The following GREB1 variants were observed in gnomAD, a reference collection of about 807,000 sequenced individuals.
GREB1 encodes growth regulating estrogen receptor binding 1, also known as protein GREB1.
Under a neutral mutation model 200.7 loss-of-function variants are expected in GREB1, and 106 were observed. That is an observed-to-expected ratio of 0.53 (90% CI 0.45 to 0.62). GREB1 has a LOEUF of 0.62. Among genes scored for constraint, GREB1 ranks in the 20% least tolerant of loss-of-function variants. The pLI is 0.00. For missense variants in GREB1, 2,243 were observed against 2,556.8 expected (o/e 0.88, Z 2.65); for synonymous variants, 1,132 against 1,092.4 (o/e 1.04, Z -0.72).
At chr2:11,595,199 C>T in intron 11 of GREB1, 52 bp from the exon 12 acceptor site, 2 of 1,543,744 alleles carry the variant, frequency 1.3e-6, no homozygotes, top group Non-Finnish European at 1.8e-6. Context: ...GGCTACACAG[C>T]CCGTAAGCAG....
At position 11,597,067 on chromosome 2, in the gene GREB1, AC is replaced by A. The variant is rs1490626985; in HGVS notation, c.1955-713del. Among the ~76,000 whole-genome samples, 7 of 151,504 alleles carry A rather than the reference AC, an allele frequency of 4.6e-5. No homozygotes were observed. The highest frequency in any genetic ancestry group is 8.8e-5 in the Non-Finnish European group (6 of 67,844). On this transcript the variant is annotated intron_variant, in intron 13 of 32. Coordinates refer to ENST00000381486, the MANE Select transcript of GREB1 (RefSeq NM_014668.4). This position sits in a 1 kb window ranked among gnomAD's most constrained non-coding sequence, Gnocchi z 4.1. ...TGCACCGTGAGAGAGGGCAGTGGGC[AC>A]AGGTGTGCTAAGTGGGTGCTGAGGG...
Position 11,557,426 on chromosome 2 carries a change from G to A in GREB1, c.157+655G>A, listed in dbSNP as rs571756163. ...TGATGTCTTTGACTTGAAGTTACCCGCAGACTTCTCTTAGTTATTGAAGTG... is the reference window on the plus strand; with the variant it reads ...TGATGTCTTTGACTTGAAGTTACCCACAGACTTCTCTTAGTTATTGAAGTG... On this transcript the variant is annotated intron_variant, in intron 2 of 32. Transcript: ENST00000381486. Among the ~76,000 whole-genome samples the A allele has an allele frequency of 2.1e-3, 316 of 152,254 alleles. 1 individual carries two copies. Among genetic ancestry groups the A allele is most frequent in the Non-Finnish European group, 3.1e-3 (213 of 68,030 alleles).
chr2:11,612,590 G>A lies in GREB1; in HGVS notation c.3102G>A (p.Pro1034=), dbSNP rs370781434. The change falls in exon 19 of 33, where the codon CCG becomes CCA. Residue 1034 remains proline, a synonymous_variant. Coordinates refer to ENST00000381486, the MANE Select transcript of GREB1 (RefSeq NM_014668.4). ...TCCTGATCTTCAGTGGGATGGACCC[G>A]CATGGGGAGTCCTTGCCGAGGTGAG... ...PCILIFSGMD[P]HGESLPRSLR... 2.6e-5 allele frequency: 42 copies of A among 1,610,376 alleles called. No individual in the cohort carries two copies. The highest frequency in any genetic ancestry group is 2.1e-4 in the Middle Eastern group (1 of 4,810).
chr2:11,633,963 C>T lies in GREB1; in HGVS notation c.4992-168C>T, dbSNP rs1685098923. On this transcript the variant is annotated intron_variant, in intron 28 of 32. Coordinates refer to ENST00000381486, the MANE Select transcript of GREB1 (RefSeq NM_014668.4). This position sits in a 1 kb window ranked among gnomAD's most constrained non-coding sequence, Gnocchi z 4.1. ...TTCAGCACATAGCAGAAATGAGCGC[C>T]CGTGGGAAGCGCCCAGCAGGGTGCC... 6.6e-6 allele frequency among the ~76,000 whole-genome samples: 1 copy of T among 152,218 alleles called. No homozygotes were observed. Among genetic ancestry groups the T allele is most frequent in the South Asian group, 2.1e-4 (1 of 4,838 alleles).
chr2:11,605,047 T>C (rs1389234108), intron 17 of GREB1, among the ~76,000 whole-genome samples: 1 of 150,614 alleles, frequency 6.6e-6, no homozygotes, highest in Non-Finnish European at 1.5e-5. Context: ...CCACAGAGGC[T>C]TAAGGGTGGG....
At chr2:11,511,563 A>T (rs1228411618) in intron 1 of GREB1, among the ~76,000 whole-genome samples, 1 of 152,122 alleles carries the variant, frequency 6.6e-6, no homozygotes, top group Non-Finnish European at 1.5e-5. Flanking sequence ...GAGAACTTGG[A>T]TGTCTCCAGA....
At chr2:11,496,514 C>T (rs887925334) in intron 1 of GREB1, among the ~76,000 whole-genome samples, 2 of 139,918 alleles carry the variant, frequency 1.4e-5, no homozygotes, top group African/African-American at 2.6e-5. Context: ...TTCCCCACCC[C>T]GCCCGCCCCC....
rs935327153 is a variant in GREB1 at position 11,642,147 on chromosome 2, C to G, written c.*1693C>G. The G allele has an allele frequency of 6.6e-5, 10 of 151,806 alleles. No individual in the cohort carries two copies. Among genetic ancestry groups the G allele is most frequent in the Admixed American group, 5.9e-4 (9 of 15,244 alleles). The allele number at this position is 151,806 out of a possible 1,614,324, so 9.4% of individuals were successfully genotyped here. A position where few individuals can be genotyped will look rare whatever the true frequency, so the allele number is the denominator to read the frequency against. On this transcript the variant is annotated 3_prime_UTR_variant, in exon 33 of 33. Transcript: ENST00000381486. ...TTTTTTTTTCGGAGACGGAGTTTCA[C>G]TCTTGCTGCCCAGGCTGGAGTGCAA...
At chr2:11,627,131 C>A in intron 25 of GREB1, 27 bp downstream of exon 25, 1 of 1,549,052 alleles carries the variant, frequency 6.5e-7, no homozygotes, top group South Asian at 1.2e-5. Flanking sequence ...CCCCACCAGG[C>A]ATTTCACCTT....
chr2:11,530,253 G>C (rs1358131126), upstream of GREB1, among the ~76,000 whole-genome samples: 7 of 151,830 alleles, frequency 4.6e-5, no homozygotes, highest in Non-Finnish European at 8.8e-5. Flanking sequence ...GTAGAGATGG[G>C]GTTTCACCAG....
rs375327075 is a variant in GREB1, at chr2:11,591,362, C to T, written c.1346-1414C>T. The stretch of plus-strand genomic sequence containing the variant: ...TGGGTAGAGCTGGGCTGGAACCCAC[C>T]TTCTAAATGGAAGCCTGACGCACTT... On this transcript the variant is annotated intron_variant, in intron 10 of 32. Coordinates refer to ENST00000381486, the MANE Select transcript of GREB1 (RefSeq NM_014668.4). 3 of 731,578 alleles carry T rather than the reference C, an allele frequency of 4.1e-6. No individual in the cohort carries two copies. In the African/African-American group the frequency reaches 5.1e-5, roughly 13 times the overall value. 45.3% of individuals were successfully genotyped at this position (731,578 alleles called of 1,614,324 possible). A position where few individuals can be genotyped will look rare whatever the true frequency, so the allele number is the denominator to read the frequency against.
chr2:11,508,500 G>A (rs536786614), intron 1 of GREB1, among the ~76,000 whole-genome samples: 8 of 152,282 alleles, frequency 5.3e-5, no homozygotes, highest in African/African-American at 1.9e-4. Flanking sequence ...CCCCCAGTGT[G>A]GCAAAGGTTT....
chr2:11,635,954 G>T (rs1243030499), intron 30 of GREB1, among the ~76,000 whole-genome samples: 1 of 152,178 alleles, frequency 6.6e-6, no homozygotes, highest in Non-Finnish European at 1.5e-5. Flanking sequence ...CCCCAGTCCC[G>T]TGGGCCAGAG....
chr2:11,530,422 A>G (rs910557113), upstream of GREB1, among the ~76,000 whole-genome samples: 1 of 151,950 alleles, frequency 6.6e-6, no homozygotes, highest in African/African-American at 2.4e-5. Flanking sequence ...AAAAAAAAGT[A>G]AAATCTATGT....
intron 19 of GREB1, 118 bp from the exon 20 acceptor site, chr2:11,614,973 C>G: frequency 4.0e-6 from 3 of 754,502 alleles, no homozygotes; most frequent in Non-Finnish European, 7.1e-6. Context: ...TTGTACGAGT[C>G]CTTGGGTCCT....
In GREB1 at chr2:11,630,128, A is replaced by G; in HGVS notation, c.4611+19A>G. 1 of 1,613,342 alleles carries G rather than the reference A, an allele frequency of 6.2e-7. No individual in the cohort carries two copies. The highest frequency in any genetic ancestry group is 2.2e-5 in the East Asian group (1 of 44,880). ...AGACAAGGTACTGGCTCAGAGACCT[A>G]GTGGGACAGATCCAAGTGGCTTCAA... On this transcript the variant is annotated intron_variant, in intron 26 of 32. Coordinates refer to ENST00000381486, the MANE Select transcript of GREB1 (RefSeq NM_014668.4).
chr2:11,501,436 CT>C (rs930590676), intron 1 of GREB1, among the ~76,000 whole-genome samples: 1 of 152,182 alleles, frequency 6.6e-6, no homozygotes, highest in African/African-American at 2.4e-5. Flanking sequence ...CTCTGTTGCC[CT>C]GGCTGGAGTG....
chr2:11,587,490 C>G lies in GREB1; in HGVS notation c.1160-1256C>G, dbSNP rs761647915. 5 of 1,605,984 alleles carry G rather than the reference C, an allele frequency of 3.1e-6. No individual in the cohort carries two copies. The African/African-American group carries it at 6.7e-5, about 22-fold the overall frequency. On this transcript the variant is annotated intron_variant, in intron 9 of 32. Transcript: ENST00000381486. ...CATGGACCCATCCTGGAATCAGAATCAGGCCCCACTTCTGCATCAGAAGCC... is the reference window on the plus strand; with the variant it reads ...CATGGACCCATCCTGGAATCAGAATGAGGCCCCACTTCTGCATCAGAAGCC...
intron 9 of GREB1, chr2:11,588,204 G>A (rs376265165): frequency 3.7e-5 from 30 of 807,386 alleles, no homozygotes; most frequent in African/African-American, 2.7e-4. Flanking sequence ...ACTCCAGCCC[G>A]GGGACAGAGC....
Sources: gnomAD v4.1 joint callset for allele counts (sites outside exome capture counted in the v4.1 genomes callset) on GRCh38, gnomAD v4.1.1 for gene constraint, Gnocchi (gnomAD v3.1) non-coding constraint, MANE v1.5 for transcripts, NCBI Gene and HGNC (gene_info 2026-07-23, HGNC 2026-07-21) for gene names.